The following DPP6 variants were observed in gnomAD, a reference collection of about 807,000 sequenced individuals.
DPP6 encodes the protein dipeptidyl peptidase like 6, also known as A-type potassium channel modulatory protein DPP6.
In DPP6, 69 loss-of-function variants were observed where a neutral mutation model predicts 122.6. The ratio of observed to expected loss-of-function variants is 0.56; its 90% CI spans 0.46 to 0.69. DPP6 has a LOEUF of 0.69. DPP6 is among the 30% of genes least tolerant of loss of function. DPP6 has a pLI of 0.00. For missense variants in DPP6, 928 were observed against 1,116.9 expected, an observed-to-expected ratio of 0.83 and a Z score of 2.41; for synonymous variants, 418 against 433.1, an observed-to-expected ratio of 0.97 and a Z score of 0.43.
chr7:154,296,006 GCT>G (rs1405063744), intron 1 of DPP6, among the ~76,000 whole-genome samples: 4 of 145,652 alleles, frequency 2.7e-5, no homozygotes, highest in African/African-American at 1.0e-4. Flanking sequence ...GTGCAGTGGT[GCT>G]ATCTCGGCTC....
chr7:154,499,120 T>C (rs1563764898), intron 3 of DPP6, among the ~76,000 whole-genome samples: 1 of 152,150 alleles, frequency 6.6e-6, no homozygotes, highest in East Asian at 1.9e-4. Flanking sequence ...TATTTTTATC[T>C]GGACATATTG....
chr7:154,450,008 C>CTAAA (rs66665335), intron 2 of DPP6, among the ~76,000 whole-genome samples: 7,278 of 138,250 alleles, frequency 0.053, 185 homozygotes, highest in East Asian at 0.069. Flanking sequence ...GACTCCATCT[C>CTAAA]TAAATAAATA....
At chr7:154,891,891 C>T (rs1334605919) in intron 25 of DPP6, among the ~76,000 whole-genome samples, 1 of 152,152 alleles carries the variant, frequency 6.6e-6, no homozygotes, top group African/African-American at 2.4e-5. Context: ...TTTTCAGAGC[C>T]TGACACCCTG....
chr7:154,727,330 A>G (rs367986990), intron 7 of DPP6, among the ~76,000 whole-genome samples: 1 of 152,258 alleles, frequency 6.6e-6, no homozygotes, highest in African/African-American at 2.4e-5. Context: ...CACACTTTTA[A>G]ACAGCCAAAT....
chr7:154,415,102 C>G (rs1354289811), intron 1 of DPP6, among the ~76,000 whole-genome samples: 2 of 152,160 alleles, frequency 1.3e-5, no homozygotes, highest in Non-Finnish European at 2.9e-5. Context: ...ATAGATCCTT[C>G]TTCCTCTAGG....
At chr7:154,578,522 C>A (rs1035453248) in intron 5 of DPP6, among the ~76,000 whole-genome samples, 1 of 38,390 alleles carries the variant, frequency 2.6e-5, no homozygotes, top group Non-Finnish European at 5.5e-5. Context: ...AGGGGCTATT[C>A]GGGCTTGGCA....
At chr7:154,092,133 A>T (rs1308940922) in intron 1 of DPP6, 44 of 152,044 alleles carry the variant, frequency 2.9e-4, no homozygotes, top group East Asian at 1.9e-4. Context: ...GTGGAATTTT[A>T]AATTTAGAAA....
At chr7:154,171,395 C>T (rs562457924) in intron 1 of DPP6, among the ~76,000 whole-genome samples, 2 of 152,314 alleles carry the variant, frequency 1.3e-5, no homozygotes, top group African/African-American at 2.4e-5. Flanking sequence ...CCCTTTTGCT[C>T]CCTGAGCTGA....
intron 1 of DPP6, among the ~76,000 whole-genome samples, chr7:154,002,864 A>C (rs1404782134): frequency 6.6e-6 from 1 of 152,212 alleles, no homozygotes; most frequent in Non-Finnish European, 1.5e-5. Flanking sequence ...ACACTTTCTA[A>C]GTGAGAAATA....
chr7:153,899,987 A>T (rs961808011), intron 1 of DPP6, among the ~76,000 whole-genome samples: 1 of 152,204 alleles, frequency 6.6e-6, no homozygotes, highest in African/African-American at 2.4e-5. Flanking sequence ...ATATTAACGT[A>T]TTCTAGAGAG....
At chr7:153,905,383 T>G (rs1799806190) in intron 1 of DPP6, among the ~76,000 whole-genome samples, 1 of 152,080 alleles carries the variant, frequency 6.6e-6, no homozygotes, top group Non-Finnish European at 1.5e-5. Context: ...TCTGAGGCCT[T>G]CATTTTGGGT....
intron 1 of DPP6, among the ~76,000 whole-genome samples, chr7:153,922,977 G>T (rs7800932): frequency 0.41 from 62,130 of 152,082 alleles, 13,079 homozygotes; most frequent in East Asian, 0.68. Context: ...GGGACTCTTT[G>T]ATCATTTTTA....
chr7:153,995,372 G>A (rs866335081), intron 1 of DPP6, among the ~76,000 whole-genome samples: 16 of 152,248 alleles, frequency 1.1e-4, no homozygotes, highest in African/African-American at 2.2e-4. Flanking sequence ...GGATCACAAG[G>A]TCAGGAGGTC....
Position 154,654,419 on chromosome 7 carries a change from T to TTCCTTCCTTCCTTCTTTCTC in DPP6, c.681-14939_681-14938insCTTCCTTCCTTCTTTCTCTC, listed in dbSNP as rs1563065162. Among the ~76,000 whole-genome samples the TTCCTTCCTTCCTTCTTTCTC allele has an allele frequency of 2.1e-3, 188 of 89,168 alleles. 33 individuals are homozygous for TTCCTTCCTTCCTTCTTTCTC. The highest frequency in any genetic ancestry group is 7.5e-4 in the Non-Finnish European group (30 of 40,266). The allele number at this position is 89,168 out of a possible 152,430, so 58.5% of individuals were successfully genotyped here. A position where few individuals can be genotyped will look rare whatever the true frequency, so the allele number is the denominator to read the frequency against. On this transcript the variant is annotated intron_variant, in intron 6 of 25. Coordinates refer to ENST00000377770, the MANE Select transcript of DPP6 (RefSeq NM_130797.4). ...TATATCCAAATCTTTCTTTCTTTCT[T>TTCCTTCCTTCCTTCTTTCTC]TCTTTCTTTCTTTTTTTGATACAGC...
At chr7:154,329,533 A>C (rs943937730) in intron 1 of DPP6, among the ~76,000 whole-genome samples, 2 of 152,242 alleles carry the variant, frequency 1.3e-5, no homozygotes, top group Non-Finnish European at 2.9e-5. Context: ...GTCAGGACAC[A>C]ACAGATGCTG....
intron 19 of DPP6, 95 bp downstream of exon 19, chr7:154,872,788 CA>C: frequency 6.5e-7 from 1 of 1,541,372 alleles, no homozygotes; most frequent in Non-Finnish European, 8.8e-7. Flanking sequence ...AAAAGATAAG[CA>C]GGAGAAATGA....
intron 1 of DPP6, among the ~76,000 whole-genome samples, chr7:154,332,426 C>CA (rs1200881390): frequency 1.3e-5 from 2 of 152,236 alleles, no homozygotes; most frequent in East Asian, 3.9e-4. Flanking sequence ...TGTTAAAGTA[C>CA]AGATGCTGCT....
At chr7:154,319,731 G>A (rs1015674137) in intron 1 of DPP6, among the ~76,000 whole-genome samples, 6 of 152,030 alleles carry the variant, frequency 3.9e-5, no homozygotes, top group Admixed American at 2.0e-4. Context: ...AGTGGCTCAC[G>A]CCTGTAGTCC....
chr7:153,779,709 C>T, the DPP6 span, among the ~76,000 whole-genome samples: 1 of 128,102 alleles, frequency 7.8e-6, no homozygotes, highest in East Asian at 2.2e-4. Context: ...GACTGAGGAA[C>T]TATCAGAGAT....
Sources: gnomAD v4.1 joint callset for allele counts (sites outside exome capture counted in the v4.1 genomes callset) on GRCh38, gnomAD v4.1.1 for gene constraint, MANE v1.5 for transcripts, NCBI Gene and HGNC (gene_info 2026-07-23, HGNC 2026-07-21) for gene names.